Variants in SLC66A2 observed in about 807,000 individuals in gnomAD.
The protein encoded by SLC66A2 is PQ loop repeat containing 1.
In SLC66A2, 23 loss-of-function variants were observed where a neutral mutation model predicts 25.5. That is an observed-to-expected ratio of 0.90 (90% CI 0.65 to 1.28). SLC66A2 has a LOEUF of 1.28. SLC66A2 is among the 50% of genes most tolerant of loss of function. The probability of loss-of-function intolerance (pLI) is 0.00; values close to 1 mark genes in which losing one functional copy is unlikely to be tolerated. For synonymous variants in SLC66A2, 193 were observed against 166.5 expected (o/e 1.16, Z -1.23); for missense variants, 396 against 373.1 (o/e 1.06, Z -0.51).
At position 79,904,267 on chromosome 18, in the gene SLC66A2, C is replaced by G; in HGVS notation, c.609-84G>C. 1 of 1,279,922 alleles carries G rather than the reference C, an allele frequency of 7.8e-7. No individual in the cohort carries two copies. 79.3% of individuals were successfully genotyped at this position (1,279,922 alleles called of 1,614,324 possible). On this transcript the variant is annotated intron_variant, in intron 5 of 5. Transcript: ENST00000397778. The surrounding 1 kb of genome is among the most constrained non-coding windows in gnomAD (Gnocchi z 6.3). ...GTGGGGAGGCCTGGGGCTTAGACAG[C>G]GGGGAGACCTGGGGCTCAGGGGCAC...
intron 3 of SLC66A2, chr18:79,935,204 CTG>C (rs1986959700): frequency 6.6e-6 from 1 of 152,330 alleles, no homozygotes; most frequent in Non-Finnish European, 1.5e-5. Context: ...CCAGGTGTGA[CTG>C]TGAACAGGCA....
intron 5 of SLC66A2, among the ~76,000 whole-genome samples, chr18:79,910,521 T>TAGA (rs1982954303): frequency 6.6e-6 from 1 of 152,238 alleles, no homozygotes; most frequent in Non-Finnish European, 1.5e-5. Context: ...CACAAGACTT[T>TAGA]TTCTAGTTCA....
intron 5 of SLC66A2, chr18:79,915,285 C>T (rs1190979553): frequency 6.6e-6 from 1 of 152,260 alleles, no homozygotes; most frequent in Non-Finnish European, 1.5e-5. Flanking sequence ...CGGGGCCAGC[C>T]CCACCCCCTC....
At chr18:79,907,337 T>TTTC (rs1555699282) in intron 5 of SLC66A2, among the ~76,000 whole-genome samples, 3 of 136,850 alleles carry the variant, frequency 2.2e-5, no homozygotes, top group Non-Finnish European at 4.6e-5. Flanking sequence ...TTGTATAGTT[T>TTTC]TTTTTTTTTT....
At position 79,933,965 on chromosome 18, in the gene SLC66A2, A is replaced by C; in HGVS notation, c.391+4T>G. On this transcript the variant is annotated splice_donor_region_variant and intron_variant, in intron 4 of 5. Transcript: ENST00000397778. Reference sequence around the variant, plus strand: ...TGCGGACAGTGCACGCGCAGGGTACATACCCAGGAAGGACCGCCTGGGGGC... The same window carrying C: ...TGCGGACAGTGCACGCGCAGGGTACCTACCCAGGAAGGACCGCCTGGGGGC... The C allele has an allele frequency of 6.2e-7, 1 of 1,611,568 alleles. No individual in the cohort carries two copies. The highest frequency in any genetic ancestry group is 8.5e-7 in the Non-Finnish European group (1 of 1,179,152).
rs1182576895 is a variant in SLC66A2, at chr18:79,940,506, G to T, written c.337+2823C>A. On this transcript the variant is annotated intron_variant, in intron 3 of 5. Coordinates refer to ENST00000397778, the MANE Select transcript of SLC66A2 (RefSeq NM_025078.5). This position sits in a 1 kb window ranked among gnomAD's most constrained non-coding sequence, Gnocchi z 4.1. The stretch of plus-strand genomic sequence containing the variant: ...ACTTAAAAGCTTAAAAAAAAAAACA[G>T]AACATGTTCAGAGCCAACAACCTTC... Among the ~76,000 whole-genome samples, 1 of 151,742 alleles carries T rather than the reference G, an allele frequency of 6.6e-6. No homozygotes were observed. The highest frequency in any genetic ancestry group is 1.5e-5 in the Non-Finnish European group (1 of 67,928).
At chr18:79,943,260 CTT>C in intron 3 of SLC66A2, 67 bp downstream of exon 3, 1 of 1,568,646 alleles carries the variant, frequency 6.4e-7, no homozygotes, top group South Asian at 1.2e-5. Context: ...ATTAGAGTGG[CTT>C]TTGTTTCACC....
chr18:79,942,080 G>A (rs1987723772), intron 3 of SLC66A2, among the ~76,000 whole-genome samples: 1 of 152,216 alleles, frequency 6.6e-6, no homozygotes, highest in Non-Finnish European at 1.5e-5. Context: ...GAGCAAGACC[G>A]AGTCACCTAA....
chr18:79,919,429 C>T, intron 4 of SLC66A2, 29 bp from the exon 5 acceptor site: 1 of 1,567,760 alleles, frequency 6.4e-7, no homozygotes, highest in Non-Finnish European at 8.7e-7. Flanking sequence ...GCAGCCTCAG[C>T]ACAGCTTAGG....
At chr18:79,906,642 G>C (rs557771957) in intron 5 of SLC66A2, among the ~76,000 whole-genome samples, 1 of 152,226 alleles carries the variant, frequency 6.6e-6, no homozygotes, top group African/African-American at 2.4e-5. Flanking sequence ...GATATGGTCT[G>C]TTTGGTGAAT....
At chr18:79,933,852 G>A (rs1022376294) in intron 4 of SLC66A2, 117 bp downstream of exon 4, 10 of 868,972 alleles carry the variant, frequency 1.2e-5, no homozygotes, top group African/African-American at 5.1e-5. Flanking sequence ...ACTCGGCCAC[G>A]CTTGGTAAAG....
At chr18:79,947,335 G>A (rs1198882493) in intron 2 of SLC66A2, 2 of 152,396 alleles carry the variant, frequency 1.3e-5, no homozygotes, top group Non-Finnish European at 2.9e-5. Context: ...CAAAATGGTA[G>A]TAAGGACTGT....
Position 79,927,986 on chromosome 18 carries a change from C to A in SLC66A2, c.391+5983G>T, listed in dbSNP as rs930100779. On this transcript the variant is annotated intron_variant, in intron 4 of 5. Coordinates refer to ENST00000397778, the MANE Select transcript of SLC66A2 (RefSeq NM_025078.5). The surrounding 1 kb of genome is among the most constrained non-coding windows in gnomAD (Gnocchi z 6.2). ...TCTCATCTTCAGGAGCCTTTTCCCCCCTTTACCCTAACTGACATCTCCGGG... is the reference window on the plus strand; with the variant it reads ...TCTCATCTTCAGGAGCCTTTTCCCCACTTTACCCTAACTGACATCTCCGGG... Among the ~76,000 whole-genome samples the A allele has an allele frequency of 2.0e-5, 3 of 152,196 alleles. No individual in the cohort carries two copies. The highest frequency in any genetic ancestry group is 2.9e-5 in the Non-Finnish European group (2 of 68,038).
rs540867743 is a variant in SLC66A2, at chr18:79,940,783, G to A, written c.337+2546C>T. Among the ~76,000 whole-genome samples, 300 of 152,200 alleles carry A rather than the reference G, an allele frequency of 2.0e-3. No individual in the cohort carries two copies. Among genetic ancestry groups the A allele is most frequent in the Non-Finnish European group, 3.1e-3 (212 of 68,000 alleles). On this transcript the variant is annotated intron_variant, in intron 3 of 5. Transcript: ENST00000397778. The surrounding 1 kb of genome is among the most constrained non-coding windows in gnomAD (Gnocchi z 4.1). ...ACGTGGACATGTATAAACTCAAACC[G>A]GACTCCAATATTAAGAGTGCTGCAG...
At chr18:79,907,665 A>G (rs1331786152) in intron 5 of SLC66A2, among the ~76,000 whole-genome samples, 1 of 152,092 alleles carries the variant, frequency 6.6e-6, no homozygotes, top group African/African-American at 2.4e-5. Flanking sequence ...TAGTTCTTTT[A>G]GTGCTCTAGG....
chr18:79,913,423 C>T (rs539742979), intron 5 of SLC66A2, among the ~76,000 whole-genome samples: 6 of 152,352 alleles, frequency 3.9e-5, no homozygotes, highest in South Asian at 2.1e-4. Flanking sequence ...TCAGAAAATC[C>T]GCCCTTCGGA....
chr18:79,914,688 G>A (rs1236582173), intron 5 of SLC66A2, among the ~76,000 whole-genome samples: 1 of 152,256 alleles, frequency 6.6e-6, no homozygotes, highest in Admixed American at 6.5e-5. Flanking sequence ...CAGCAAGGGG[G>A]GCAGAGGTGG....
chr18:79,948,329 G>A (rs909360967), intron 2 of SLC66A2, among the ~76,000 whole-genome samples: 1 of 152,172 alleles, frequency 6.6e-6, no homozygotes. Flanking sequence ...TCTCCAAACC[G>A]ATACTTAGAT....
chr18:79,939,970 G>A (rs1287288057), intron 3 of SLC66A2, among the ~76,000 whole-genome samples: 2 of 152,154 alleles, frequency 1.3e-5, no homozygotes, highest in East Asian at 3.8e-4. Flanking sequence ...TAACCTAAAT[G>A]CCCATCAATG....
Sources: allele counts gnomAD v4.1 joint callset (sites outside exome capture counted in the v4.1 genomes callset), GRCh38; gene constraint gnomAD v4.1.1; non-coding constraint Gnocchi (gnomAD v3.1); transcripts MANE v1.5; gene names NCBI Gene and HGNC (gene_info 2026-07-23, HGNC 2026-07-21).